CFAP96: variants seen among roughly 807,000 people sequenced by gnomAD.
CFAP96 encodes cilia-and flagella-associated protein 96.
chr4:185,408,658 T>G, the CFAP96 span, among the ~76,000 whole-genome samples: 1 of 152,084 alleles, frequency 6.6e-6, no homozygotes, highest in Admixed American at 6.5e-5. Flanking sequence ...CCTTCTGGCC[T>G]CCTCTCCAAT....
the CFAP96 span, chr4:185,418,678 A>C: frequency 6.2e-7 from 1 of 1,614,034 alleles, no homozygotes; most frequent in South Asian, 1.1e-5. Context: ...ATATACACTG[A>C]ACTGTGGCAA....
chr4:185,419,839 T>C, the CFAP96 span, among the ~76,000 whole-genome samples: 3 of 152,234 alleles, frequency 2.0e-5, no homozygotes, highest in Non-Finnish European at 4.4e-5. Flanking sequence ...TTGTTTCCAC[T>C]TTTTGGCTAT....
At chr4:185,417,090 TAAGTG>T in the CFAP96 span, among the ~76,000 whole-genome samples, 1,020 of 151,328 alleles carry the variant, frequency 6.7e-3, 15 homozygotes, top group South Asian at 0.048. Context: ...CCATCTTAAG[TAAGTG>T]AAGTTAACCT....
the CFAP96 span, among the ~76,000 whole-genome samples, chr4:185,442,548 T>G: frequency 6.6e-6 from 1 of 152,184 alleles, no homozygotes; most frequent in Non-Finnish European, 1.5e-5. Flanking sequence ...TTCTTGACTT[T>G]CTTTTGCTTT....
the CFAP96 span, among the ~76,000 whole-genome samples, chr4:185,443,153 G>A: frequency 6.6e-6 from 1 of 151,418 alleles, no homozygotes; most frequent in Admixed American, 6.6e-5. Context: ...GAGCTTAGCC[G>A]TATTACAGGG....
the CFAP96 span, chr4:185,431,863 C>A: frequency 1.3e-6 from 1 of 795,680 alleles, no homozygotes; most frequent in East Asian, 2.7e-5. Context: ...TGAAACAGTG[C>A]TTTAGAGCTC....
At chr4:185,412,484 G>T in the CFAP96 span, among the ~76,000 whole-genome samples, 1 of 152,082 alleles carries the variant, frequency 6.6e-6, no homozygotes, top group Non-Finnish European at 1.5e-5. Flanking sequence ...CGCTCAGAAG[G>T]TATTAATAAA....
chr4:185,413,135 T>C, the CFAP96 span, among the ~76,000 whole-genome samples: 1 of 152,094 alleles, frequency 6.6e-6, no homozygotes, highest in East Asian at 1.9e-4. Flanking sequence ...TGAAATCCTG[T>C]CTCTACTAAA....
the CFAP96 span, chr4:185,413,922 A>G: frequency 6.7e-7 from 1 of 1,482,912 alleles, no homozygotes; most frequent in Non-Finnish European, 9.1e-7. Flanking sequence ...GGTGATTTAG[A>G]TTCCTAGTCA....
chr4:185,432,980 T>C, the CFAP96 span, among the ~76,000 whole-genome samples: 1 of 152,024 alleles, frequency 6.6e-6, no homozygotes, highest in Non-Finnish European at 1.5e-5. Context: ...AACCTCTGCC[T>C]CCTGGGTTCA....
the CFAP96 span, chr4:185,432,348 G>A: frequency 1.6e-6 from 1 of 634,130 alleles, no homozygotes; most frequent in South Asian, 2.2e-5. Flanking sequence ...AGTTGTATTG[G>A]ATGATTTAGA....
chr4:185,410,849 G>GGGA, the CFAP96 span, among the ~76,000 whole-genome samples: 275 of 151,628 alleles, frequency 1.8e-3, 1 homozygote, highest in African/African-American at 6.1e-3. Context: ...GGGAGGCTGA[G>GGGA]GGAGGATAAT....
At chr4:185,435,272 C>T in the CFAP96 span, among the ~76,000 whole-genome samples, 5 of 152,062 alleles carry the variant, frequency 3.3e-5, no homozygotes, top group African/African-American at 7.2e-5. Flanking sequence ...AATAAGCAAT[C>T]GGTGTTGATG....
chr4:185,439,887 C>T, the CFAP96 span, among the ~76,000 whole-genome samples: 1 of 145,686 alleles, frequency 6.9e-6, no homozygotes. Context: ...GTTATATATA[C>T]ATATCTCACA....
the CFAP96 span, among the ~76,000 whole-genome samples, chr4:185,443,860 G>A: frequency 6.9e-6 from 1 of 144,284 alleles, no homozygotes; most frequent in Admixed American, 6.9e-5. Context: ...GTTATTGTAA[G>A]CTTTAAAATA....
the CFAP96 span, chr4:185,415,085 A>C: frequency 7.7e-7 from 1 of 1,292,294 alleles, no homozygotes; most frequent in Non-Finnish European, 1.1e-6. Flanking sequence ...TTTAGTGGAA[A>C]TATATAATTA....
At chr4:185,429,458 T>A in the CFAP96 span, 13 of 1,538,978 alleles carry the variant, frequency 8.4e-6, no homozygotes, top group Non-Finnish European at 1.0e-5. Flanking sequence ...ATTGGCCTCT[T>A]TAGTGAGATG....
chr4:185,429,015 A>T, the CFAP96 span, among the ~76,000 whole-genome samples: 1 of 152,250 alleles, frequency 6.6e-6, no homozygotes, highest in East Asian at 1.9e-4. Flanking sequence ...CAAAAGAAGG[A>T]TTTGTTTATA....
chr4:185,444,480 A>G, the CFAP96 span, among the ~76,000 whole-genome samples: 3 of 152,202 alleles, frequency 2.0e-5, no homozygotes, highest in African/African-American at 7.2e-5. Flanking sequence ...ACTACAAGAA[A>G]AGTAAAGTAG....
Sources: allele counts gnomAD v4.1 joint callset (sites outside exome capture counted in the v4.1 genomes callset), GRCh38; gene constraint gnomAD v4.1.1; transcripts MANE v1.5; gene names NCBI Gene and HGNC (gene_info 2026-07-23, HGNC 2026-07-21).